ERBB4: variants seen among roughly 807,000 people sequenced by gnomAD.
ERBB4 encodes the protein erb-b2 receptor tyrosine kinase 4.
ERBB4 carries 42 observed loss-of-function variants against 158.0 expected under a neutral mutation model. That is an observed-to-expected ratio of 0.27 (90% CI 0.21 to 0.34). The LOEUF is 0.34. ERBB4 is among the 10% of genes least tolerant of loss of function. The pLI, the probability that ERBB4 is intolerant of heterozygous loss-of-function variation, is 1.00. For missense variants in ERBB4, 1,333 were observed against 1,624.1 expected (o/e 0.82, Z 3.08); for synonymous variants, 583 against 558.7 (o/e 1.04, Z -0.61).
At chr2:212,161,430 A>G (rs1353725334) in intron 1 of ERBB4, among the ~76,000 whole-genome samples, 3 of 151,920 alleles carry the variant, frequency 2.0e-5, no homozygotes, top group Non-Finnish European at 4.4e-5. Context: ...TAATTCCTTC[A>G]TATTCATAAT....
chr2:211,962,672 C>A (rs566544927), intron 2 of ERBB4, among the ~76,000 whole-genome samples: 17 of 152,138 alleles, frequency 1.1e-4, no homozygotes, highest in African/African-American at 4.1e-4. Flanking sequence ...TGTTGCCAGG[C>A]AAGAGATGCG....
intron 25 of ERBB4, among the ~76,000 whole-genome samples, chr2:211,402,187 A>G (rs1045975753): frequency 4.6e-5 from 7 of 151,988 alleles, no homozygotes; most frequent in Admixed American, 2.0e-4. Flanking sequence ...AACCCTATCT[A>G]ATTCATCAGT....
intron 3 of ERBB4, among the ~76,000 whole-genome samples, chr2:211,885,103 A>G (rs2078762814): frequency 1.3e-5 from 2 of 152,142 alleles, no homozygotes; most frequent in Admixed American, 1.3e-4. Context: ...TTTTTGTTGA[A>G]TTGATATTTA....
chr2:211,573,230 C>T (rs900955261), intron 19 of ERBB4, among the ~76,000 whole-genome samples: 4 of 152,066 alleles, frequency 2.6e-5, no homozygotes, highest in African/African-American at 7.2e-5. Flanking sequence ...TGTAGCCACC[C>T]GCAGCTGGAG....
At chr2:211,990,714 CTGGAACATGCAAATGG>C (rs1046417278) in intron 2 of ERBB4, among the ~76,000 whole-genome samples, 11 of 151,672 alleles carry the variant, frequency 7.3e-5, no homozygotes, top group Non-Finnish European at 1.6e-4. Context: ...AAAGTTCAGC[CTGGAACATGCAAATGG>C]TATCCTCGAC....
At chr2:212,196,152 A>G (rs1199926627) in intron 1 of ERBB4, among the ~76,000 whole-genome samples, 1 of 152,134 alleles carries the variant, frequency 6.6e-6, no homozygotes, top group South Asian at 2.1e-4. Flanking sequence ...CTAATACTCT[A>G]CTGCTGGCTG....
At chr2:212,435,032 T>C (rs1257976967) in intron 1 of ERBB4, among the ~76,000 whole-genome samples, 1 of 152,024 alleles carries the variant, frequency 6.6e-6, no homozygotes, top group African/African-American at 2.4e-5. Flanking sequence ...ACTGAAATAA[T>C]TTTTTAGGCA....
chr2:212,373,788 C>CCATGTATATATCCATATATATCCAT (rs1560145119), intron 1 of ERBB4, among the ~76,000 whole-genome samples: 1 of 88,942 alleles, frequency 1.1e-5, no homozygotes, highest in African/African-American at 3.8e-5. Flanking sequence ...TATATATCCA[C>CCATGTATATATCCATATATATCCAT]GTATATATAT....
At chr2:212,121,989 C>T (rs1319502485) in intron 2 of ERBB4, among the ~76,000 whole-genome samples, 2 of 151,728 alleles carry the variant, frequency 1.3e-5, no homozygotes, top group Admixed American at 1.3e-4. Flanking sequence ...TAGGACCACA[C>T]CTTCTTTCTG....
Position 211,963,770 on chromosome 2 carries a change from A to T in ERBB4, c.235-16154T>A, listed in dbSNP as rs1162629352. ...GGGGATATTAAGGCTAAGTTGTTCT[A>T]TTTATAAGCAAATTTATAAACAAAC... On this transcript the variant is annotated intron_variant, in intron 2 of 27. Coordinates refer to ENST00000342788, the MANE Select transcript of ERBB4 (RefSeq NM_005235.3). Among the ~76,000 whole-genome samples, 7 of 152,078 alleles carry T rather than the reference A, an allele frequency of 4.6e-5. No individual in the cohort carries two copies. The South Asian group carries it at 1.2e-3, about 27-fold the overall frequency.
At chr2:211,387,279 T>C (rs2062706737) in intron 26 of ERBB4, 129 bp from the exon 27 acceptor site, 8 of 807,254 alleles carry the variant, frequency 9.9e-6, no homozygotes, top group South Asian at 7.3e-5. Flanking sequence ...TGGTTTTTTT[T>C]CCCCTAGTGG....
chr2:212,392,937 C>T (rs2090920822), intron 1 of ERBB4, among the ~76,000 whole-genome samples: 1 of 151,950 alleles, frequency 6.6e-6, no homozygotes, highest in Non-Finnish European at 1.5e-5. Flanking sequence ...TTTTGTTCCC[C>T]GGCAATCACC....
intron 20 of ERBB4, among the ~76,000 whole-genome samples, chr2:211,491,519 A>C (rs184082597): frequency 1.6e-4 from 25 of 152,220 alleles, no homozygotes; most frequent in African/African-American, 4.6e-4. Context: ...GTATCAATTT[A>C]TTATGTTTTA....
chr2:211,657,406 G>C (rs2071257165), intron 16 of ERBB4, among the ~76,000 whole-genome samples: 1 of 151,924 alleles, frequency 6.6e-6, no homozygotes, highest in Non-Finnish European at 1.5e-5. Flanking sequence ...CTACTCGGGA[G>C]GCTGAGGCAG....
chr2:211,955,595 T>C (rs978761885), intron 2 of ERBB4, among the ~76,000 whole-genome samples: 7 of 152,124 alleles, frequency 4.6e-5, no homozygotes, highest in African/African-American at 1.7e-4. Context: ...AATTAGTATA[T>C]AAACAAACTG....
intron 1 of ERBB4, among the ~76,000 whole-genome samples, chr2:212,287,796 G>A (rs1261764561): frequency 1.3e-5 from 2 of 152,156 alleles, no homozygotes; most frequent in Non-Finnish European, 2.9e-5. Context: ...CCATTATCCT[G>A]AGCAAACTAA....
intron 3 of ERBB4, among the ~76,000 whole-genome samples, chr2:211,821,159 C>T (rs961468964): frequency 6.6e-6 from 1 of 151,658 alleles, no homozygotes; most frequent in Non-Finnish European, 1.5e-5. Context: ...CTGAAGACTA[C>T]CAAAAAACTT....
intron 20 of ERBB4, chr2:211,561,631 A>G (rs2067394712): frequency 2.2e-6 from 1 of 456,814 alleles, no homozygotes; most frequent in Non-Finnish European, 4.0e-6. Flanking sequence ...CAAATCCAGT[A>G]TAACAATTCC....
At position 212,152,206 on chromosome 2, in the gene ERBB4, G is replaced by T. The variant is rs80014883; in HGVS notation, c.83-27303C>A. Among the ~76,000 whole-genome samples, 1,500 of 151,896 alleles carry T rather than the reference G, an allele frequency of 9.9e-3. 17 individuals are homozygous for T. Among genetic ancestry groups the T allele is most frequent in the African/African-American group, 0.034 (1,418 of 41,444 alleles). On this transcript the variant is annotated intron_variant, in intron 1 of 27. Transcript: ENST00000342788. Reference sequence around the variant, plus strand: ...GAATCAGAGTTCCTGTGGTCAAATCGGTCTCCATCATCTATTACTTTTGTG... The same window carrying T: ...GAATCAGAGTTCCTGTGGTCAAATCTGTCTCCATCATCTATTACTTTTGTG...
Sources: gnomAD v4.1 joint callset for allele counts (sites outside exome capture counted in the v4.1 genomes callset) on GRCh38, gnomAD v4.1.1 for gene constraint, MANE v1.5 for transcripts, NCBI Gene and HGNC (gene_info 2026-07-23, HGNC 2026-07-21) for gene names.